The following MAN2A1 variants were observed in gnomAD, a reference collection of about 807,000 sequenced individuals.
MAN2A1 encodes mannosidase alpha class 2A member 1.
MAN2A1 carries 76 observed loss-of-function variants against 142.6 expected under a neutral mutation model. The observed-to-expected ratio is 0.53, with a 90% CI of 0.44 to 0.65. MAN2A1 has a LOEUF of 0.65. Among genes scored for constraint, MAN2A1 ranks in the 30% least tolerant of loss-of-function variants. The pLI, the probability that MAN2A1 is intolerant of heterozygous loss-of-function variation, is 0.00. For synonymous variants in MAN2A1, 559 were observed against 473.2 expected (o/e 1.18, Z -2.35); for missense variants, 1,311 against 1,365.1 (o/e 0.96, Z 0.62).
chr5:109,782,502 A>G (rs1437032559), intron 9 of MAN2A1, among the ~76,000 whole-genome samples: 1 of 152,196 alleles, frequency 6.6e-6, no homozygotes, highest in African/African-American at 2.4e-5. Context: ...AGAGGCTCCC[A>G]AAGTTTTCTC....
intron 12 of MAN2A1, among the ~76,000 whole-genome samples, chr5:109,790,080 A>C (rs1753698086): frequency 6.6e-6 from 1 of 151,994 alleles, no homozygotes; most frequent in South Asian, 2.1e-4. Context: ...AATAATTATA[A>C]AGAAATGCAT....
At chr5:109,758,539 G>C (rs1217789694) in intron 5 of MAN2A1, among the ~76,000 whole-genome samples, 1 of 151,208 alleles carries the variant, frequency 6.6e-6, no homozygotes, top group Non-Finnish European at 1.5e-5. Flanking sequence ...TTCTTCTGTT[G>C]CTTGTGCTTT....
chr5:109,726,017 T>C (rs1215300168), intron 3 of MAN2A1, among the ~76,000 whole-genome samples: 1 of 152,206 alleles, frequency 6.6e-6, no homozygotes, highest in East Asian at 1.9e-4. Flanking sequence ...AAAATAGCTA[T>C]TAGCTTTTTT....
chr5:109,719,723 C>T (rs1436135970), intron 3 of MAN2A1, among the ~76,000 whole-genome samples: 1 of 152,056 alleles, frequency 6.6e-6, no homozygotes, highest in Admixed American at 6.5e-5. Flanking sequence ...AGTTCCCCAA[C>T]TTTGTGAATT....
rs762942022 is a variant in MAN2A1, at chr5:109,770,419, C to T, written c.1074C>T (p.His358=). ...MMPFYSYDIP[H]TCGPDPKICC... is the part of the protein sequence containing the mutation. ...CCTTCTACAGCTATGACATCCCTCA[C>T]ACTTGTGGACCTGATCCTAAAATAT... Residue 358 remains histidine (H), a synonymous_variant, in exon 7 of 22, where the codon CAC becomes CAT. Transcript: ENST00000261483. The T allele has an allele frequency of 6.2e-6, 10 of 1,613,888 alleles. No individual in the cohort carries two copies. In the Middle Eastern group the frequency reaches 4.9e-4, roughly 80 times the overall value.
At position 109,713,758 on chromosome 5, in the gene MAN2A1, A is replaced by C. The variant is rs755748485; in HGVS notation, c.374A>C (p.His125Pro). The change falls in exon 2 of 22, where the codon CAC (histidine) becomes CCC (proline). Residue 125 changes from histidine to proline, a missense_variant. By Grantham distance (77) the His-to-Pro change is moderately conservative (BLOSUM62 -2). This residue lies in a region of MAN2A1 where 409 missense variants were observed against 412.7 expected (regional missense o/e 0.99). Transcript: ENST00000261483. ...DCLFASQSGSHNSDVQMLDVY... is the reference protein window; with the variant it reads ...DCLFASQSGSPNSDVQMLDVY... Reference sequence around the variant, plus strand: ...CTGTTTGCTTCACAAAGTGGAAGTCACAATTCAGATGTGCAGGTAATGTAT... The same window carrying C: ...CTGTTTGCTTCACAAAGTGGAAGTCCCAATTCAGATGTGCAGGTAATGTAT... 1.2e-6 allele frequency: 2 copies of C among 1,613,200 alleles called. No homozygotes were observed. Among genetic ancestry groups the C allele is most frequent in the Non-Finnish European group, 1.7e-6 (2 of 1,179,860 alleles).
chr5:109,842,070 A>G (rs1755219488), intron 16 of MAN2A1, among the ~76,000 whole-genome samples: 1 of 152,196 alleles, frequency 6.6e-6, no homozygotes, highest in Non-Finnish European at 1.5e-5. Flanking sequence ...CATGTTATAC[A>G]TCATCTACAT....
chr5:109,717,389 G>T (rs565003362), intron 3 of MAN2A1, among the ~76,000 whole-genome samples: 8 of 152,168 alleles, frequency 5.3e-5, no homozygotes, highest in Admixed American at 1.3e-4. Flanking sequence ...CTGCAAGCTT[G>T]GATATTGAAA....
At chr5:109,850,238 T>C (rs568646897) in intron 19 of MAN2A1, among the ~76,000 whole-genome samples, 2 of 152,328 alleles carry the variant, frequency 1.3e-5, no homozygotes, top group South Asian at 4.1e-4. Context: ...TCGAAATGCA[T>C]AGATGAATGA....
At chr5:109,803,335 T>C (rs1004874821) in intron 12 of MAN2A1, among the ~76,000 whole-genome samples, 1 of 152,130 alleles carries the variant, frequency 6.6e-6, no homozygotes, top group African/African-American at 2.4e-5. Flanking sequence ...TGTGTTTTAA[T>C]TGATTTTGTT....
At chr5:109,700,876 A>C (rs535703898) in intron 1 of MAN2A1, among the ~76,000 whole-genome samples, 1 of 152,240 alleles carries the variant, frequency 6.6e-6, no homozygotes, top group South Asian at 2.1e-4. Flanking sequence ...GGGTTAGGTA[A>C]TATGGAAATT....
chr5:109,768,502 G>T (rs1382314190), intron 6 of MAN2A1, among the ~76,000 whole-genome samples: 4 of 152,142 alleles, frequency 2.6e-5, no homozygotes, highest in African/African-American at 7.2e-5. Context: ...ATGTAGTTCT[G>T]TGTAGTTCCT....
intron 7 of MAN2A1, among the ~76,000 whole-genome samples, chr5:109,771,502 G>A (rs1260016628): frequency 6.6e-6 from 1 of 152,106 alleles, no homozygotes; most frequent in African/African-American, 2.4e-5. Flanking sequence ...TTAAAGTCAT[G>A]GAGCCCTTCT....
At chr5:109,779,847 T>G (rs1753403980) in intron 8 of MAN2A1, among the ~76,000 whole-genome samples, 1 of 152,174 alleles carries the variant, frequency 6.6e-6, no homozygotes, top group Admixed American at 6.5e-5. Flanking sequence ...TTGAATACAG[T>G]TGAAAATTGC....
chr5:109,776,372 TA>T (rs1468990010), intron 8 of MAN2A1, among the ~76,000 whole-genome samples: 1 of 152,092 alleles, frequency 6.6e-6, no homozygotes, highest in Non-Finnish European at 1.5e-5. Flanking sequence ...ACTCGGATCC[TA>T]GGGGTATGTT....
At chr5:109,721,501 T>A (rs917174833) in intron 3 of MAN2A1, among the ~76,000 whole-genome samples, 5 of 152,176 alleles carry the variant, frequency 3.3e-5, no homozygotes, top group African/African-American at 4.8e-5. Context: ...ACATGCAGCA[T>A]GCTTATACTA....
intron 17 of MAN2A1, among the ~76,000 whole-genome samples, chr5:109,843,928 GGGGGT>G (rs1374071800): frequency 1.3e-5 from 2 of 152,144 alleles, no homozygotes; most frequent in Non-Finnish European, 2.9e-5. Flanking sequence ...ATTTTCAACT[GGGGGT>G]GGGTGAAAAA....
intron 16 of MAN2A1, among the ~76,000 whole-genome samples, chr5:109,826,052 T>C (rs1381667929): frequency 1.3e-5 from 2 of 151,614 alleles, no homozygotes; most frequent in Non-Finnish European, 2.9e-5. Context: ...ACTACAGGTG[T>C]ACACCACCAC....
At chr5:109,714,295 A>C (rs1006009859) in intron 2 of MAN2A1, among the ~76,000 whole-genome samples, 34 of 151,996 alleles carry the variant, frequency 2.2e-4, no homozygotes, top group African/African-American at 7.7e-4. Context: ...AAATGTGACT[A>C]ATGTGGCTTG....
Sources: gnomAD v4.1 joint callset for allele counts (sites outside exome capture counted in the v4.1 genomes callset) on GRCh38, gnomAD v4.1.1 for gene constraint, gnomAD v4.1.1 regional missense constraint, MANE v1.5 for transcripts, NCBI Gene and HGNC (gene_info 2026-07-23, HGNC 2026-07-21) for gene names.